Variants in TMEM163 observed in about 807,000 individuals in gnomAD.
TMEM163 encodes transmembrane protein 163.
TMEM163 carries 17 observed loss-of-function variants against 29.3 expected under a neutral mutation model. The observed-to-expected ratio is 0.58, with a 90% CI of 0.40 to 0.87. The LOEUF is 0.87. Ranked by LOEUF, TMEM163 falls within the 40% of genes least tolerant of loss-of-function variation. TMEM163 has a pLI of 0.00. For missense variants in TMEM163, 303 were observed against 381.5 expected, an observed-to-expected ratio of 0.79 and a Z score of 1.71; for synonymous variants, 157 against 160.6, an observed-to-expected ratio of 0.98 and a Z score of 0.17.
At chr2:134,466,015 G>T in intron 6 of TMEM163, 99 bp downstream of exon 6, 1 of 818,282 alleles carries the variant, frequency 1.2e-6, no homozygotes, top group Non-Finnish European at 1.9e-6. Flanking sequence ...CCAAATTATT[G>T]AGTTCTCCAG....
intron 5 of TMEM163, chr2:134,468,401 A>G (rs917197712): frequency 6.6e-6 from 1 of 152,354 alleles, no homozygotes; most frequent in Non-Finnish European, 1.5e-5. Context: ...CCCAGCCTCC[A>G]GAACTGTGAG....
intron 2 of TMEM163, among the ~76,000 whole-genome samples, chr2:134,605,735 G>T (rs1233147158): frequency 6.6e-6 from 1 of 151,646 alleles, no homozygotes; most frequent in Non-Finnish European, 1.5e-5. Context: ...GGGAGGGGAG[G>T]AGAGGAGAGG....
At chr2:134,479,244 T>C (rs1212427001) in intron 5 of TMEM163, among the ~76,000 whole-genome samples, 1 of 152,180 alleles carries the variant, frequency 6.6e-6, no homozygotes, top group Non-Finnish European at 1.5e-5. Context: ...CAGGGAAGCG[T>C]AGAAGATGCC....
At chr2:134,572,548 A>T (rs6705850) in intron 2 of TMEM163, among the ~76,000 whole-genome samples, 17,982 of 151,868 alleles carry the variant, frequency 0.12, 2,910 homozygotes, top group African/African-American at 0.37. Flanking sequence ...GAGATGGTCT[A>T]TCTATTTCAA....
At chr2:134,701,182 C>T (rs1684695300) in intron 2 of TMEM163, among the ~76,000 whole-genome samples, 1 of 151,302 alleles carries the variant, frequency 6.6e-6, no homozygotes, top group Middle Eastern at 3.4e-3. Context: ...AAAGTAAAAC[C>T]ATAAAAATTA....
At chr2:134,715,673 T>C (rs2104902990) in intron 1 of TMEM163, among the ~76,000 whole-genome samples, 1 of 152,312 alleles carries the variant, frequency 6.6e-6, no homozygotes, top group African/African-American at 2.4e-5. Context: ...CACAGGTACC[T>C]CCACACTCAT....
intron 2 of TMEM163, among the ~76,000 whole-genome samples, chr2:134,603,987 CT>C (rs909841232): frequency 1.3e-5 from 2 of 152,096 alleles, no homozygotes; most frequent in African/African-American, 4.8e-5. Flanking sequence ...TCTGCAGCCC[CT>C]CTCAAAGGTA....
chr2:134,572,878 G>T (rs992008999), intron 2 of TMEM163, among the ~76,000 whole-genome samples: 1 of 152,196 alleles, frequency 6.6e-6, no homozygotes, highest in Non-Finnish European at 1.5e-5. Flanking sequence ...CAGTGGCAAC[G>T]ATCTCAAATG....
At chr2:134,541,389 A>T (rs1275372554) in intron 4 of TMEM163, among the ~76,000 whole-genome samples, 4 of 152,282 alleles carry the variant, frequency 2.6e-5, no homozygotes, top group Non-Finnish European at 5.9e-5. Context: ...GTGGTAAATT[A>T]GTATGACCTT....
chr2:134,495,667 C>G (rs1024519546), intron 5 of TMEM163, among the ~76,000 whole-genome samples: 1 of 152,118 alleles, frequency 6.6e-6, no homozygotes, highest in African/African-American at 2.4e-5. Context: ...TGCACTAGGC[C>G]CCAACAGACC....
At chr2:134,499,780 G>A (rs1679660683) in intron 5 of TMEM163, among the ~76,000 whole-genome samples, 2 of 152,160 alleles carry the variant, frequency 1.3e-5, no homozygotes, top group African/African-American at 2.4e-5. Context: ...ACGCAGTTCT[G>A]CAACTGAGAC....
At chr2:134,620,192 C>A (rs2104824287) in intron 2 of TMEM163, among the ~76,000 whole-genome samples, 1 of 151,664 alleles carries the variant, frequency 6.6e-6, no homozygotes, top group South Asian at 2.1e-4. Flanking sequence ...TGCAAAGTAT[C>A]CAAAATAGCC....
intron 2 of TMEM163, among the ~76,000 whole-genome samples, chr2:134,556,739 T>C (rs200624341): frequency 1.3e-5 from 2 of 152,256 alleles, no homozygotes; most frequent in African/African-American, 4.8e-5. Flanking sequence ...GAGGATTGCT[T>C]GAGCCCAGGA....
At chr2:134,572,446 T>C (rs894431569) in intron 2 of TMEM163, among the ~76,000 whole-genome samples, 1 of 152,362 alleles carries the variant, frequency 6.6e-6, no homozygotes. Context: ...AAGATACCTC[T>C]CCAATCCTAT....
chr2:134,573,127 G>A (rs1339198684), intron 2 of TMEM163, among the ~76,000 whole-genome samples: 1 of 152,120 alleles, frequency 6.6e-6, no homozygotes, highest in Non-Finnish European at 1.5e-5. Context: ...ATGGCCCAAG[G>A]AAACAGAGAT....
intron 5 of TMEM163, among the ~76,000 whole-genome samples, chr2:134,481,917 C>A (rs1679199234): frequency 6.6e-6 from 1 of 152,148 alleles, no homozygotes; most frequent in African/African-American, 2.4e-5. Context: ...CTCAAGGCGA[C>A]CTTCCACCTC....
chr2:134,661,648 A>AC (rs1683753426), intron 2 of TMEM163, among the ~76,000 whole-genome samples: 1 of 152,242 alleles, frequency 6.6e-6, no homozygotes, highest in Admixed American at 6.5e-5. Flanking sequence ...GAGAGCAGCC[A>AC]TTCACAATAC....
intron 2 of TMEM163, among the ~76,000 whole-genome samples, chr2:134,594,287 G>A (rs568923558): frequency 2.2e-4 from 34 of 151,782 alleles, no homozygotes; most frequent in African/African-American, 7.0e-4. Context: ...AGAGGGGGTG[G>A]GAAATGTTGA....
In TMEM163 at chr2:134,716,289, G is replaced by T. The variant is rs143401027; in HGVS notation, c.202+2445C>A. On this transcript the variant is annotated intron_variant, in intron 1 of 7. Transcript: ENST00000281924. ...GTCCCCAAAGGTCTTAGGCCACAGA[G>T]CTCTTGCTCCCTGAGCTTTAAGTTC... Among the ~76,000 whole-genome samples, 3 of 152,318 alleles carry T rather than the reference G, an allele frequency of 2.0e-5. No individual in the cohort carries two copies. The East Asian group carries it at 5.8e-4, about 29-fold the overall frequency.
Sources: allele counts gnomAD v4.1 joint callset (sites outside exome capture counted in the v4.1 genomes callset), GRCh38; gene constraint gnomAD v4.1.1; transcripts MANE v1.5; gene names NCBI Gene and HGNC (gene_info 2026-07-23, HGNC 2026-07-21).